Variants in DAGLA observed in about 807,000 individuals in gnomAD.
DAGLA encodes the protein diacylglycerol lipase alpha.
A neutral mutation model predicts 102.6 loss-of-function variants in DAGLA; 22 were observed. The observed-to-expected ratio is 0.21, with a 90% CI of 0.15 to 0.31. The LOEUF (loss-of-function observed/expected upper bound fraction) is 0.31. DAGLA is among the 10% of genes least tolerant of loss of function. The probability of loss-of-function intolerance (pLI) is 1.00; values close to 1 mark genes in which losing one functional copy is unlikely to be tolerated. For synonymous variants in DAGLA, 578 were observed against 628.9 expected (o/e 0.92, Z 1.21); for missense variants, 927 against 1,446.6 (o/e 0.64, Z 5.83).
intron 14 of DAGLA, 58 bp from the exon 15 acceptor site, chr11:61,737,629 C>T: frequency 6.6e-7 from 1 of 1,517,080 alleles, no homozygotes; most frequent in South Asian, 1.1e-5. Context: ...CCCCCCGATT[C>T]CGGAACACCA....
chr11:61,683,310 G>A lies in DAGLA; in HGVS notation c.-45+2806G>A, dbSNP rs905185819. On this transcript the variant is annotated intron_variant, in intron 1 of 19. Transcript: ENST00000257215. ...CATGCTATGGACTCGCCCTGTCCCC[G>A]TAGCTGCCACGCAGACACTGTCCAG... 5.9e-5 allele frequency among the ~76,000 whole-genome samples: 9 copies of A among 152,258 alleles called. No individual in the cohort carries two copies. In the South Asian group the frequency reaches 1.2e-3, roughly 21 times the overall value.
At position 61,736,429 on chromosome 11, in the gene DAGLA, G is replaced by A. The variant is rs1204924455; in HGVS notation, c.1371+79G>A. On this transcript the variant is annotated intron_variant, in intron 13 of 19. Transcript: ENST00000257215. ...AACGCAGCACAGAGAGGAGAGGATG[G>A]ATGGGTGATGGAGCCTCACAACTCC... 3.4e-6 allele frequency: 4 copies of A among 1,169,062 alleles called. No homozygotes were observed. In the Admixed American group the frequency reaches 7.0e-5, roughly 20 times the overall value. 72.4% of individuals were successfully genotyped at this position (1,169,062 alleles called of 1,614,324 possible). A position where few individuals can be genotyped will look rare whatever the true frequency, so the allele number is the denominator to read the frequency against.
At chr11:61,742,041 C>T (rs975926065) in intron 19 of DAGLA, among the ~76,000 whole-genome samples, 5 of 152,226 alleles carry the variant, frequency 3.3e-5, no homozygotes, top group Admixed American at 2.0e-4. Context: ...TCACCCCCTA[C>T]AGACATGCAC....
intron 1 of DAGLA, among the ~76,000 whole-genome samples, chr11:61,685,117 T>C (rs965300556): frequency 2.0e-5 from 3 of 151,910 alleles, no homozygotes; most frequent in Non-Finnish European, 2.9e-5. Flanking sequence ...GAAGATAGCA[T>C]TGTAGCCCAT....
intron 9 of DAGLA, 84 bp downstream of exon 9, chr11:61,731,525 T>C: frequency 1.3e-6 from 2 of 1,556,212 alleles, no homozygotes; most frequent in South Asian, 1.2e-5. Context: ...CTGCGCCTAC[T>C]GCTTTGCCCT....
At chr11:61,700,299 T>A (rs2065099457) in intron 1 of DAGLA, among the ~76,000 whole-genome samples, 1 of 146,000 alleles carries the variant, frequency 6.8e-6, no homozygotes, top group Non-Finnish European at 1.5e-5. Flanking sequence ...CTTCCTTTTC[T>A]GCAGCAGCCT....
intron 1 of DAGLA, among the ~76,000 whole-genome samples, chr11:61,688,045 G>A (rs1565244917): frequency 1.3e-5 from 2 of 152,032 alleles, no homozygotes; most frequent in African/African-American, 2.4e-5. Flanking sequence ...GGCTGGGTGC[G>A]GTGGCTCACA....
At position 61,746,087 on chromosome 11, in the gene DAGLA, A is replaced by C. The variant is rs1205766800; in HGVS notation, c.*1598A>C. On this transcript the variant is annotated 3_prime_UTR_variant, in exon 20 of 20. Transcript: ENST00000257215. ...GGTGGCCTAGGCTCCCCCGACCAAG[A>C]GACCTCCCTCTCATGATCACTGGTA... is the stretch of plus-strand genomic sequence containing the variant. 1.3e-5 allele frequency: 2 copies of C among 152,224 alleles called. No individual in the cohort carries two copies. The highest frequency in any genetic ancestry group is 4.8e-5 in the African/African-American group (2 of 41,392). The allele number at this position is 152,224 out of a possible 1,614,324, so 9.4% of individuals were successfully genotyped here. A position where few individuals can be genotyped will look rare whatever the true frequency, so the allele number is the denominator to read the frequency against.
intron 1 of DAGLA, among the ~76,000 whole-genome samples, chr11:61,693,131 G>C (rs563887628): frequency 3.8e-4 from 57 of 151,546 alleles, no homozygotes; most frequent in African/African-American, 1.2e-3. Flanking sequence ...AAATATCTGG[G>C]ACTGTAGGTG....
At position 61,720,741 on chromosome 11, in the gene DAGLA, T is replaced by C. The variant is rs2065274653; in HGVS notation, c.158T>C (p.Leu53Pro). ...TATAACCCGCACGAGGCCTGCTCCCTGAACCTGGTGGACCACGGCCGCGGC... is the reference window on the plus strand; with the variant it reads ...TATAACCCGCACGAGGCCTGCTCCCCGAACCTGGTGGACCACGGCCGCGGC... Reference protein sequence around the residue: ...LVYNPHEACSLNLVDHGRGYL... With the variant: ...LVYNPHEACSPNLVDHGRGYL... Residue 53 changes from leucine (L) to proline (P), a missense_variant, in exon 3 of 20, where the codon CTG (leucine) becomes CCG (proline). This residue lies in a region of DAGLA where 231 missense variants were observed against 439.8 expected (regional missense o/e 0.53). Transcript: ENST00000257215. 1 of 1,614,038 alleles carries C rather than the reference T, an allele frequency of 6.2e-7. No homozygotes were observed. Among genetic ancestry groups the C allele is most frequent in the Non-Finnish European group, 8.5e-7 (1 of 1,180,034 alleles).
intron 9 of DAGLA, among the ~76,000 whole-genome samples, chr11:61,732,210 G>A (rs1478846325): frequency 6.6e-6 from 1 of 152,174 alleles, no homozygotes; most frequent in African/African-American, 2.4e-5. Context: ...CTGGCATGCT[G>A]GGCAGCAGCT....
intron 19 of DAGLA, 74 bp downstream of exon 19, chr11:61,741,423 AT>A: frequency 6.7e-7 from 1 of 1,483,886 alleles, no homozygotes; most frequent in East Asian, 2.3e-5. Flanking sequence ...GTGCACATGC[AT>A]TTTGTGCATG....
intron 6 of DAGLA, among the ~76,000 whole-genome samples, chr11:61,727,123 G>A (rs2065334662): frequency 6.6e-6 from 1 of 152,248 alleles, no homozygotes. Context: ...CAAAGGTCCT[G>A]TTAGACACTG....
chr11:61,723,147 G>T (rs77738633), intron 4 of DAGLA, among the ~76,000 whole-genome samples, 187 bp downstream of exon 4: 2,210 of 152,302 alleles, frequency 0.015, 30 homozygotes, highest in Non-Finnish European at 0.023. Flanking sequence ...TCTGGGGTGG[G>T]CTGCAGCAGG....
At position 61,709,466 on chromosome 11, in the gene DAGLA, C is replaced by T. The variant is rs894824521; in HGVS notation, c.-44-10646C>T. ...GGCTAGGCTGGTCTCGAACTCCTGA[C>T]CTCAGGTGATCCAGAGCAGCTGAAA... On this transcript the variant is annotated intron_variant, in intron 1 of 19. Coordinates refer to ENST00000257215, the MANE Select transcript of DAGLA (RefSeq NM_006133.3). Among the ~76,000 whole-genome samples, 3 of 152,324 alleles carry T rather than the reference C, an allele frequency of 2.0e-5. No homozygotes were observed. The East Asian group carries it at 5.8e-4, about 29-fold the overall frequency.
At chr11:61,727,008 G>T (rs2065332774) in intron 6 of DAGLA, among the ~76,000 whole-genome samples, 1 of 152,240 alleles carries the variant, frequency 6.6e-6, no homozygotes, top group Admixed American at 6.5e-5. Context: ...TGGAGGCTGG[G>T]GCTGCTGTGT....
intron 1 of DAGLA, among the ~76,000 whole-genome samples, chr11:61,708,630 G>T (rs1197616014): frequency 6.6e-6 from 1 of 151,944 alleles, no homozygotes; most frequent in African/African-American, 2.4e-5. Context: ...TGATCCACCC[G>T]CCTCGGCCTC....
chr11:61,732,088 C>A (rs1290208456), intron 9 of DAGLA, among the ~76,000 whole-genome samples: 1 of 152,180 alleles, frequency 6.6e-6, no homozygotes, highest in African/African-American at 2.4e-5. Context: ...CCTAAGTGGG[C>A]CAGAGAAGGG....
chr11:61,722,129 C>G (rs1270305067), intron 3 of DAGLA, among the ~76,000 whole-genome samples: 1 of 152,242 alleles, frequency 6.6e-6, no homozygotes, highest in East Asian at 1.9e-4. Context: ...GAAATAGTTT[C>G]CATGAAGTGA....
Sources: allele counts gnomAD v4.1 joint callset (sites outside exome capture counted in the v4.1 genomes callset), GRCh38; gene constraint gnomAD v4.1.1; regional missense constraint gnomAD v4.1.1; transcripts MANE v1.5; gene names NCBI Gene and HGNC (gene_info 2026-07-23, HGNC 2026-07-21).